USP45: variants seen among roughly 807,000 people sequenced by gnomAD.
The protein encoded by USP45 is ubiquitin specific peptidase 45.
In USP45, 89 loss-of-function variants were observed where a neutral mutation model predicts 95.8. The observed-to-expected ratio is 0.93, with a 90% CI of 0.78 to 1.11. The LOEUF (loss-of-function observed/expected upper bound fraction) is 1.11. Among genes scored for constraint, USP45 ranks in the 50% least tolerant of loss-of-function variants. USP45 has a pLI of 0.00. For synonymous variants in USP45, 281 were observed against 316.2 expected (o/e 0.89, Z 1.18); for missense variants, 898 against 942.5 (o/e 0.95, Z 0.62).
At chr6:99,470,200 T>C (rs1789056810) in intron 9 of USP45, among the ~76,000 whole-genome samples, 1 of 152,194 alleles carries the variant, frequency 6.6e-6, no homozygotes, top group Non-Finnish European at 1.5e-5. Context: ...TCTGCCATTA[T>C]AACATGCTTT....
chr6:99,446,423 G>A lies in USP45; in HGVS notation c.1349C>T (p.Ser450Leu). ...IHDRKCIRKL[S>L]SGETVTYQKN... ...CTGGTATGTGACAGTTTCTCCAGAT[G>A]ACAATTTTCTAATACATTTTCGGTC... The change falls in exon 14 of 18, where the codon TCA becomes TTA. Residue 450 changes from serine to leucine, a missense_variant. Coordinates refer to ENST00000500704, the MANE Select transcript of USP45 (RefSeq NM_001346022.3). 1 of 1,613,850 alleles carries A rather than the reference G, an allele frequency of 6.2e-7. No individual in the cohort carries two copies. The highest frequency in any genetic ancestry group is 8.5e-7 in the Non-Finnish European group (1 of 1,179,970).
chr6:99,487,264 T>C (rs1228762844), intron 7 of USP45, among the ~76,000 whole-genome samples: 1 of 152,140 alleles, frequency 6.6e-6, no homozygotes, highest in Non-Finnish European at 1.5e-5. Context: ...GTGTTTCAGA[T>C]TTTCTAAATG....
chr6:99,502,069 A>T (rs1032074698), intron 5 of USP45: 8 of 1,250,104 alleles, frequency 6.4e-6, no homozygotes, highest in Non-Finnish European at 7.2e-6. Flanking sequence ...GAGTTAAATC[A>T]ATATGGCCAA....
intron 15 of USP45, among the ~76,000 whole-genome samples, chr6:99,442,905 A>G (rs1781796698): frequency 6.6e-6 from 1 of 151,952 alleles, no homozygotes; most frequent in Admixed American, 6.6e-5. Flanking sequence ...TTTGTTTTAT[A>G]CAATTAAGAT....
At chr6:99,511,845 G>A (rs9389447) in intron 1 of USP45, among the ~76,000 whole-genome samples, 1,595 of 22,284 alleles carry the variant, frequency 0.072, 14 homozygotes, top group East Asian at 0.32. Flanking sequence ...GTGAGTGTGT[G>A]TATATATATA....
At chr6:99,471,108 A>G (rs570484159) in intron 9 of USP45, among the ~76,000 whole-genome samples, 2 of 152,330 alleles carry the variant, frequency 1.3e-5, no homozygotes, top group East Asian at 3.9e-4. Context: ...TTAACTTTTA[A>G]ATATTAGACT....
At chr6:99,514,263 G>C (rs778759294) in intron 1 of USP45, among the ~76,000 whole-genome samples, 1 of 152,162 alleles carries the variant, frequency 6.6e-6, no homozygotes, top group Non-Finnish European at 1.5e-5. Context: ...CCCAAGAGGG[G>C]TCAAACAAAA....
chr6:99,439,484 C>G (rs1781118037), intron 16 of USP45, among the ~76,000 whole-genome samples: 1 of 152,170 alleles, frequency 6.6e-6, no homozygotes, highest in Non-Finnish European at 1.5e-5. Context: ...ACAAAACCTC[C>G]TTCTCTCAGC....
intron 13 of USP45, among the ~76,000 whole-genome samples, chr6:99,449,499 AGC>A (rs1186721374): frequency 8.2e-5 from 3 of 36,458 alleles, no homozygotes; most frequent in East Asian, 0.024. Flanking sequence ...CCAATACAGG[AGC>A]ACCCAATACA....
At chr6:99,448,817 C>T (rs973534366) in intron 13 of USP45, among the ~76,000 whole-genome samples, 1 of 152,238 alleles carries the variant, frequency 6.6e-6, no homozygotes, top group Non-Finnish European at 1.5e-5. Flanking sequence ...ATCAGACTAA[C>T]AGCAGATCTC....
intron 15 of USP45, among the ~76,000 whole-genome samples, chr6:99,441,358 C>G (rs1582953544): frequency 6.6e-6 from 1 of 152,192 alleles, no homozygotes; most frequent in East Asian, 1.9e-4. Flanking sequence ...ATGGTAAAAC[C>G]CTGTCTCTAC....
chr6:99,460,710 T>C (rs1294410282), intron 13 of USP45: 2 of 857,984 alleles, frequency 2.3e-6, no homozygotes, highest in Non-Finnish European at 1.4e-6. Context: ...AATAGAAAGA[T>C]TGAAATTTTC....
rs1780080859 is a variant in USP45, at chr6:99,433,921, C to G, written c.*1795G>C. ...TTGGGCAGTGGGGGGATGAAAACTG[C>G]TCTTACCAAGATGGCTGACTTGAAT... On this transcript the variant is annotated 3_prime_UTR_variant, in exon 18 of 18. Coordinates refer to ENST00000500704, the MANE Select transcript of USP45 (RefSeq NM_001346022.3). 1 of 152,108 alleles carries G rather than the reference C, an allele frequency of 6.6e-6. No homozygotes were observed. The highest frequency in any genetic ancestry group is 6.6e-5 in the Admixed American group (1 of 15,266). The allele number at this position is 152,108 out of a possible 1,614,324, so 9.4% of individuals were successfully genotyped here. A position where few individuals can be genotyped will look rare whatever the true frequency, so the allele number is the denominator to read the frequency against.
Position 99,503,768 on chromosome 6 carries a change from T to A in USP45, c.475A>T (p.Thr159Ser). Reference protein sequence around the residue: ...FLQKHASKTQTSAFSRIMKLC... With the variant: ...FLQKHASKTQSSAFSRIMKLC... ...CTTTAGTCATCGCTTAACTTACTTG[T>A]TTGTGTTTTAGAAGCATGTTTCTGG... is the stretch of plus-strand genomic sequence containing the variant. Residue 159 changes from threonine to serine, a missense_variant, in exon 5 of 18, where the codon ACA becomes TCA. By Grantham distance (58) the Thr-to-Ser change is moderately conservative. Transcript: ENST00000500704. The A allele has an allele frequency of 6.3e-7, 1 of 1,584,500 alleles. No individual in the cohort carries two copies. Among genetic ancestry groups the A allele is most frequent in the Non-Finnish European group, 8.6e-7 (1 of 1,162,908 alleles).
At chr6:99,479,733 G>T (rs1285924748) in intron 8 of USP45, among the ~76,000 whole-genome samples, 2 of 152,034 alleles carry the variant, frequency 1.3e-5, no homozygotes, top group Admixed American at 6.6e-5. Context: ...TAAAAGGCAT[G>T]TATGAAAACT....
intron 14 of USP45, among the ~76,000 whole-genome samples, 166 bp downstream of exon 14, chr6:99,445,631 G>A (rs1323162379): frequency 6.6e-6 from 1 of 152,122 alleles, no homozygotes; most frequent in African/African-American, 2.4e-5. Flanking sequence ...TTGAAAATCT[G>A]TTCTGCCCAG....
At chr6:99,462,120 CA>C (rs1562342194) in intron 13 of USP45, 6 of 980,608 alleles carry the variant, frequency 6.1e-6, no homozygotes, top group Admixed American at 6.3e-5. Context: ...CCATCAAAAC[CA>C]AAAAAAAGGT....
intron 14 of USP45, among the ~76,000 whole-genome samples, chr6:99,444,834 T>A (rs1782179901): frequency 6.6e-6 from 1 of 152,188 alleles, no homozygotes; most frequent in Admixed American, 6.5e-5. Context: ...TGCAGCATGG[T>A]GGGCCCCCAC....
chr6:99,488,461 AGAGCCATG>A (rs1794488131), intron 6 of USP45, among the ~76,000 whole-genome samples, 166 bp from the exon 7 acceptor site: 6 of 152,226 alleles, frequency 3.9e-5, no homozygotes, highest in Admixed American at 2.0e-4. Context: ...TATTACCGAT[AGAGCCATG>A]GTAAAATACA....
Sources: gnomAD v4.1 joint callset for allele counts (sites outside exome capture counted in the v4.1 genomes callset) on GRCh38, gnomAD v4.1.1 for gene constraint, MANE v1.5 for transcripts, NCBI Gene and HGNC (gene_info 2026-07-23, HGNC 2026-07-21) for gene names.